The following USP7 variants were observed in gnomAD, a reference collection of about 807,000 sequenced individuals.
USP7 encodes ubiquitin specific peptidase 7.
Under a neutral mutation model 162.9 loss-of-function variants are expected in USP7, and 9 were observed. That is an observed-to-expected ratio of 0.06 (90% CI 0.03 to 0.10). USP7 has a LOEUF of 0.10. USP7 is among the 10% of genes least tolerant of loss of function. The probability of loss-of-function intolerance (pLI) is 1.00; values close to 1 mark genes in which losing one functional copy is unlikely to be tolerated. For missense variants in USP7, 715 were observed against 1,373.7 expected (o/e 0.52, Z 7.58); for synonymous variants, 562 against 475.9 (o/e 1.18, Z -2.35).
At chr16:8,903,504 G>C (rs1022755388) in intron 15 of USP7, 102 bp from the exon 16 acceptor site, 17 of 1,354,218 alleles carry the variant, frequency 1.3e-5, no homozygotes, top group Non-Finnish European at 1.7e-5. Context: ...CTCATTTTTT[G>C]TTCCAAAGAA....
intron 12 of USP7, among the ~76,000 whole-genome samples, chr16:8,907,655 A>G (rs185579331): frequency 6.6e-6 from 1 of 152,182 alleles, no homozygotes. Flanking sequence ...CAGCCTGGCC[A>G]GCATAGTGAA....
chr16:8,899,473 G>T, intron 22 of USP7, 131 bp downstream of exon 22: 1 of 1,174,382 alleles, frequency 8.5e-7, no homozygotes, highest in East Asian at 2.5e-5. Flanking sequence ...GAATCCATCA[G>T]TGGGAGATTT....
Position 8,963,299 on chromosome 16 carries a change from T to G in USP7, c.-14A>C. On this transcript the variant is annotated 5_prime_UTR_variant, in exon 1 of 31. Transcript: ENST00000344836. ...CTGGTGGTTCATGTCGGCCGCGGCC[T>G]GGGCCTCGCCTGCGGCCGGGGGCCG... 1 of 1,195,810 alleles carries G rather than the reference T, an allele frequency of 8.4e-7. No homozygotes were observed. The highest frequency in any genetic ancestry group is 1.1e-6 in the Non-Finnish European group (1 of 935,198). The allele number at this position is 1,195,810 out of a possible 1,614,324, so 74.1% of individuals were successfully genotyped here. A position where few individuals can be genotyped will look rare whatever the true frequency, so the allele number is the denominator to read the frequency against.
rs1055322241 is a variant in USP7, at chr16:8,892,896, A to T, written c.*1102T>A. ...CCAAAAAATACCGGAAAAGGATGAAAAATAAGAGTGATTTGCTGATTCTAT... is the reference window on the plus strand; with the variant it reads ...CCAAAAAATACCGGAAAAGGATGAATAATAAGAGTGATTTGCTGATTCTAT... On this transcript the variant is annotated 3_prime_UTR_variant, in exon 31 of 31. Coordinates refer to ENST00000344836, the MANE Select transcript of USP7 (RefSeq NM_003470.3). 1 of 152,228 alleles carries T rather than the reference A, an allele frequency of 6.6e-6. No individual in the cohort carries two copies. The highest frequency in any genetic ancestry group is 1.5e-5 in the Non-Finnish European group (1 of 68,034). 9.4% of individuals were successfully genotyped at this position (152,228 alleles called of 1,614,324 possible).
At chr16:8,898,272 G>GT (rs1178149076) in intron 25 of USP7, 88 bp downstream of exon 25, 9 of 1,102,242 alleles carry the variant, frequency 8.2e-6, no homozygotes, top group Non-Finnish European at 5.3e-6. Flanking sequence ...TTTTTCTGTG[G>GT]TGTCTTAGTT....
At chr16:8,910,883 A>G (rs899425461) in intron 10 of USP7, 56 bp from the exon 11 acceptor site, 1 of 1,379,516 alleles carries the variant, frequency 7.2e-7, no homozygotes, top group Non-Finnish European at 1.0e-6. Flanking sequence ...TAATGTAGCC[A>G]ACACAGGTGT....
intron 10 of USP7, among the ~76,000 whole-genome samples, chr16:8,914,024 G>A (rs1011748467): frequency 4.0e-5 from 6 of 151,862 alleles, no homozygotes; most frequent in Admixed American, 6.6e-5. Context: ...AGGCATGAGC[G>A]ACCACACCCA....
intron 10 of USP7, among the ~76,000 whole-genome samples, chr16:8,912,460 AAAG>A (rs1426615489): frequency 1.3e-5 from 2 of 151,684 alleles, no homozygotes; most frequent in African/African-American, 4.9e-5. Context: ...AAAAAAAAAA[AAAG>A]AAAGAAAAAA....
At chr16:8,950,729 C>T (rs926379481) in intron 1 of USP7, among the ~76,000 whole-genome samples, 12 of 152,204 alleles carry the variant, frequency 7.9e-5, no homozygotes, top group Admixed American at 5.9e-4. Flanking sequence ...ACCAGTCACC[C>T]GCAGGGCCAC....
chr16:8,963,287 T>G lies in USP7; in HGVS notation c.-2A>C. The G allele has an allele frequency of 7.7e-7, 1 of 1,297,840 alleles. No individual in the cohort carries two copies. The highest frequency in any genetic ancestry group is 1.0e-6 in the Non-Finnish European group (1 of 1,003,636). 80.4% of individuals were successfully genotyped at this position (1,297,840 alleles called of 1,614,324 possible). A position where few individuals can be genotyped will look rare whatever the true frequency, so the allele number is the denominator to read the frequency against. On this transcript the variant is annotated 5_prime_UTR_variant, in exon 1 of 31. Coordinates refer to ENST00000344836, the MANE Select transcript of USP7 (RefSeq NM_003470.3). Reference sequence around the variant, plus strand: ...CTGCTGCTGCTGCTGGTGGTTCATGTCGGCCGCGGCCTGGGCCTCGCCTGC... The same window carrying G: ...CTGCTGCTGCTGCTGGTGGTTCATGGCGGCCGCGGCCTGGGCCTCGCCTGC...
chr16:8,923,426 C>A lies in USP7; in HGVS notation c.185-13G>T, dbSNP rs774409517. On this transcript the variant is annotated splice_polypyrimidine_tract_variant and intron_variant, in intron 2 of 30. Transcript: ENST00000344836. ...CGCCAACTGGTGTCTGCAAAAAAAA[C>A]ACATCATCAGTCACAGAGCCTGTGC... is the stretch of plus-strand genomic sequence containing the variant. The A allele has an allele frequency of 6.2e-7, 1 of 1,612,854 alleles. No homozygotes were observed. The highest frequency in any genetic ancestry group is 8.5e-7 in the Non-Finnish European group (1 of 1,179,174).
chr16:8,917,629 T>C (rs773412355), intron 6 of USP7, among the ~76,000 whole-genome samples: 1 of 152,230 alleles, frequency 6.6e-6, no homozygotes, highest in African/African-American at 2.4e-5. Flanking sequence ...TCTGCCCACC[T>C]TGGCCTCCCA....
intron 5 of USP7, 82 bp from the exon 6 acceptor site, chr16:8,919,221 G>C (rs1897541926): frequency 1.4e-6 from 2 of 1,443,186 alleles, no homozygotes; most frequent in Admixed American, 1.7e-5. Context: ...CTGACTCAAG[G>C]TCAGCCTTAA....
At chr16:8,902,004 C>G (rs553684151) in intron 18 of USP7, 78 bp downstream of exon 18, 132 of 1,214,320 alleles carry the variant, frequency 1.1e-4, no homozygotes, top group Non-Finnish European at 1.6e-4. Context: ...GAAGGCTTAA[C>G]CCTGTGTGTT....
chr16:8,939,286 C>T (rs1382527770), intron 1 of USP7, among the ~76,000 whole-genome samples: 3 of 152,188 alleles, frequency 2.0e-5, no homozygotes, highest in Non-Finnish European at 4.4e-5. Flanking sequence ...CCCATTATCC[C>T]CGGCAACCCT....
intron 26 of USP7, among the ~76,000 whole-genome samples, chr16:8,896,704 T>C (rs993832101): frequency 6.6e-6 from 1 of 152,198 alleles, no homozygotes; most frequent in African/African-American, 2.4e-5. Context: ...CTACAGCTAA[T>C]GTTATCAGAA....
intron 14 of USP7, 103 bp from the exon 15 acceptor site, chr16:8,904,668 C>A: frequency 6.6e-7 from 1 of 1,509,914 alleles, no homozygotes; most frequent in Middle Eastern, 1.9e-4. Context: ...ATTAGGCCGG[C>A]GTGGTGGCTT....
rs563534892 is a variant in USP7, at chr16:8,898,691, C to A, written c.2532-52G>T. The A allele has an allele frequency of 8.9e-4, 1,275 of 1,436,780 alleles. 2 individuals are homozygous for A. Among genetic ancestry groups the A allele is most frequent in the Non-Finnish European group, 1.1e-3 (1,215 of 1,060,710 alleles). The allele number at this position is 1,436,780 out of a possible 1,614,324, so 89.0% of individuals were successfully genotyped here. ...AATGACTTGTTTATTTGCCTAAAAA[C>A]AAATATCTGTGAGTGAGCATAAAAG... On this transcript the variant is annotated intron_variant, in intron 23 of 30. Transcript: ENST00000344836.
chr16:8,910,925 C>T (rs907467064), intron 10 of USP7, 98 bp from the exon 11 acceptor site: 2 of 1,026,296 alleles, frequency 1.9e-6, no homozygotes, highest in South Asian at 2.7e-5. Flanking sequence ...TTAGGATTAG[C>T]AGAGAAGGTA....
Sources: allele counts gnomAD v4.1 joint callset (sites outside exome capture counted in the v4.1 genomes callset), GRCh38; gene constraint gnomAD v4.1.1; transcripts MANE v1.5; gene names NCBI Gene and HGNC (gene_info 2026-07-23, HGNC 2026-07-21).